Variants in ARHGAP39 observed in about 807,000 individuals in gnomAD.
ARHGAP39 encodes the protein rho GTPase-activating protein 39.
In ARHGAP39, 44 loss-of-function variants were observed where a neutral mutation model predicts 106.9. The observed-to-expected ratio is 0.41, with a 90% CI of 0.32 to 0.53. ARHGAP39 has a LOEUF of 0.53. Ranked by LOEUF, ARHGAP39 falls within the 20% of genes least tolerant of loss-of-function variation. ARHGAP39 has a pLI of 0.21. For synonymous variants in ARHGAP39, 768 were observed against 693.2 expected, an observed-to-expected ratio of 1.11 and a Z score of -1.69; for missense variants, 1,496 against 1,577.3, an observed-to-expected ratio of 0.95 and a Z score of 0.87.
intron 2 of ARHGAP39, among the ~76,000 whole-genome samples, chr8:144,600,906 G>T (rs892579314): frequency 6.6e-6 from 1 of 150,644 alleles, no homozygotes; most frequent in Non-Finnish European, 1.5e-5. Context: ...TGTGCGTGGT[G>T]TGTGCAAGCT....
intron 1 of ARHGAP39, among the ~76,000 whole-genome samples, chr8:144,620,110 C>T (rs1272495151): frequency 7.8e-6 from 1 of 127,824 alleles, no homozygotes; most frequent in African/African-American, 3.0e-5. Context: ...TGTCCCTGAG[C>T]ATGTGTGCCC....
intron 1 of ARHGAP39, among the ~76,000 whole-genome samples, chr8:144,656,845 G>GTA (rs1369700444): frequency 1.4e-5 from 2 of 140,170 alleles, no homozygotes; most frequent in Non-Finnish European, 3.1e-5. Context: ...GAGTCTAAGC[G>GTA]TATATAAGAC....
intron 1 of ARHGAP39, among the ~76,000 whole-genome samples, chr8:144,639,870 G>GC (rs1394565674): frequency 6.6e-6 from 1 of 152,166 alleles, no homozygotes; most frequent in African/African-American, 2.4e-5. Context: ...TCACACAATA[G>GC]CCTGTTTCTT....
chr8:144,670,373 G>C lies in ARHGAP39; in HGVS notation c.-82+15313C>G, dbSNP rs775942549. ...ACACTGCTCCATCACCCTCCTCACC[G>C]GGCCATCGAGCCTCTGAATCCCACA... On this transcript the variant is annotated intron_variant, in intron 1 of 11. Coordinates refer to ENST00000377307, the MANE Select transcript of ARHGAP39 (RefSeq NM_025251.3). The surrounding 1 kb of genome is among the most constrained non-coding windows in gnomAD (Gnocchi z 4.4). Among the ~76,000 whole-genome samples, 1 of 152,124 alleles carries C rather than the reference G, an allele frequency of 6.6e-6. No homozygotes were observed. Among genetic ancestry groups the C allele is most frequent in the African/African-American group, 2.4e-5 (1 of 41,416 alleles).
intron 9 of ARHGAP39, 112 bp from the exon 10 acceptor site, chr8:144,532,508 C>A: frequency 1.1e-6 from 1 of 915,384 alleles, no homozygotes; most frequent in Non-Finnish European, 1.7e-6. Flanking sequence ...GGGAGCAAAA[C>A]CTCAGGACCC....
chr8:144,600,590 CTGAG>C (rs1819842658), intron 2 of ARHGAP39, among the ~76,000 whole-genome samples: 1 of 141,466 alleles, frequency 7.1e-6, no homozygotes, highest in African/African-American at 2.7e-5. Flanking sequence ...ACTTGTATAC[CTGAG>C]TGTGCGTGTT....
At chr8:144,600,233 C>T (rs914959138) in intron 2 of ARHGAP39, among the ~76,000 whole-genome samples, 7 of 137,200 alleles carry the variant, frequency 5.1e-5, no homozygotes, top group African/African-American at 1.7e-4. Context: ...TGTGCAAGCT[C>T]GTGTACCTAC....
At chr8:144,538,945 T>A (rs1400805779) in intron 6 of ARHGAP39, among the ~76,000 whole-genome samples, 6 of 150,460 alleles carry the variant, frequency 4.0e-5, no homozygotes, top group Non-Finnish European at 5.9e-5. Context: ...TGCTCCAGCC[T>A]TGGCCACTGG....
At chr8:144,666,882 T>A (rs1821979061) in intron 1 of ARHGAP39, among the ~76,000 whole-genome samples, 1 of 152,110 alleles carries the variant, frequency 6.6e-6, no homozygotes. Flanking sequence ...TCTGCCCACC[T>A]CCCGTGAAAA....
rs533122328 is a variant in ARHGAP39 at position 144,582,574 on chromosome 8, G to C, written c.81-1297C>G. On this transcript the variant is annotated intron_variant, in intron 2 of 11. Transcript: ENST00000377307. ...GCCACTGGGCACTGTTTGCTCCTCT[G>C]TGTTTGGATGCCACAGGCAGAAGGC... 3.3e-5 allele frequency among the ~76,000 whole-genome samples: 5 copies of C among 152,384 alleles called. No homozygotes were observed. The East Asian group carries it at 9.6e-4, about 29-fold the overall frequency.
In ARHGAP39 at chr8:144,545,337, G is replaced by A; in HGVS notation, c.2433C>T (p.Cys811=). The A allele has an allele frequency of 6.2e-7, 1 of 1,600,314 alleles. No homozygotes were observed. The highest frequency in any genetic ancestry group is 8.5e-7 in the Non-Finnish European group (1 of 1,170,628). Residue 811 remains cysteine (C), a synonymous_variant, in exon 6 of 12, where the codon TGC becomes TGT. Transcript: ENST00000377307. ...LARGWELMAI[C]LAFFPPTPKF... ...TGGGGGTGGGCGGGAAAAAGGCCAG[G>A]CAGATGGCCATGAGCTCCCAGCCGC...
intron 1 of ARHGAP39, among the ~76,000 whole-genome samples, chr8:144,615,626 C>T (rs971748524): frequency 6.6e-6 from 1 of 152,236 alleles, no homozygotes; most frequent in African/African-American, 2.4e-5. Context: ...TTGTTCACTG[C>T]AGTGAGTTTC....
At chr8:144,570,416 G>A (rs1818546111) in intron 3 of ARHGAP39, among the ~76,000 whole-genome samples, 1 of 152,156 alleles carries the variant, frequency 6.6e-6, no homozygotes, top group Admixed American at 6.5e-5. Flanking sequence ...GAAATAGACT[G>A]GATGGAAAAA....
At chr8:144,640,813 G>A (rs966253187) in intron 1 of ARHGAP39, among the ~76,000 whole-genome samples, 4 of 152,116 alleles carry the variant, frequency 2.6e-5, no homozygotes, top group Non-Finnish European at 5.9e-5. Context: ...TCTAAATCCC[G>A]ATAAATAGCC....
intron 7 of ARHGAP39, among the ~76,000 whole-genome samples, chr8:144,535,078 A>G (rs1367369311): frequency 1.3e-5 from 2 of 152,336 alleles, no homozygotes; most frequent in East Asian, 3.9e-4. Context: ...GCTTCTGGAC[A>G]TGAGACCTGC....
chr8:144,598,003 G>A (rs913636449), intron 2 of ARHGAP39, among the ~76,000 whole-genome samples: 37 of 152,176 alleles, frequency 2.4e-4, no homozygotes, highest in African/African-American at 7.5e-4. Flanking sequence ...AAGAACACAC[G>A]GAGATGCTCA....
chr8:144,666,507 G>C (rs1247039177), intron 1 of ARHGAP39, among the ~76,000 whole-genome samples: 2 of 152,144 alleles, frequency 1.3e-5, no homozygotes, highest in African/African-American at 2.4e-5. Context: ...AGGGACCCAG[G>C]GGGAGGTACT....
chr8:144,597,371 CCATCTAGAAGAGCACGT>C (rs1420819654), intron 2 of ARHGAP39, among the ~76,000 whole-genome samples: 1 of 152,210 alleles, frequency 6.6e-6, no homozygotes, highest in Non-Finnish European at 1.5e-5. Flanking sequence ...GGTCCTGTCT[CCATCTAGAAGAGCACGT>C]GGAGGGAGGG....
intron 4 of ARHGAP39, among the ~76,000 whole-genome samples, chr8:144,551,703 T>C (rs1817698246): frequency 6.6e-6 from 1 of 151,364 alleles, no homozygotes; most frequent in Non-Finnish European, 1.5e-5. Flanking sequence ...CTGGCCCTTC[T>C]CCTCAGCTCC....
Sources: allele counts gnomAD v4.1 joint callset (sites outside exome capture counted in the v4.1 genomes callset), GRCh38; gene constraint gnomAD v4.1.1; non-coding constraint Gnocchi (gnomAD v3.1); transcripts MANE v1.5; gene names NCBI Gene and HGNC (gene_info 2026-07-23, HGNC 2026-07-21).